CAPN14: variants seen among roughly 807,000 people sequenced by gnomAD.
The protein encoded by CAPN14 is calpain-14.
A neutral mutation model predicts 101.3 loss-of-function variants in CAPN14; 94 were observed. The observed-to-expected ratio is 0.93, with a 90% confidence interval of 0.79 to 1.10. CAPN14 has a LOEUF of 1.10. Among genes scored for constraint, CAPN14 ranks in the 50% least tolerant of loss-of-function variants. CAPN14 has a pLI of 0.00. For missense variants in CAPN14, 837 were observed against 828.4 expected (o/e 1.01, Z -0.13); for synonymous variants, 338 against 317.9 (o/e 1.06, Z -0.67).
chr2:31,203,087 A>G lies in CAPN14; in HGVS notation c.278T>C (p.Leu93Pro), dbSNP rs1262841714. The G allele has an allele frequency of 6.4e-7, 1 of 1,551,552 alleles. No homozygotes were observed. Among genetic ancestry groups the G allele is most frequent in the Admixed American group, 2.0e-5 (1 of 50,984 alleles). The stretch of plus-strand genomic sequence containing the variant: ...AAACTTACCTACTATCCCCTGGCAC[A>G]GATCCAGCCTTTTGGCCTTGGCAAA... ...FYFAKAKRLD[L>P]CQGIVGDCWF... The change falls in exon 3 of 22, where the codon CTG becomes CCG. Residue 93 changes from leucine to proline, a missense_variant. Coordinates refer to ENST00000403897, the MANE Select transcript of CAPN14 (RefSeq NM_001145122.2).
chr2:31,224,422 A>T (rs1487380808), intron 2 of CAPN14, among the ~76,000 whole-genome samples: 1 of 152,186 alleles, frequency 6.6e-6, no homozygotes, highest in Non-Finnish European at 1.5e-5. Context: ...CAAAGAGATC[A>T]TCATGCCCAA....
At chr2:31,209,225 C>T (rs146859154) in intron 1 of CAPN14, among the ~76,000 whole-genome samples, 7,252 of 151,542 alleles carry the variant, frequency 0.048, 169 homozygotes, top group African/African-American at 0.054. Flanking sequence ...AGTCCTTCCA[C>T]CTCAGCCACC....
chr2:31,233,705 G>A (rs368007430), intron 1 of CAPN14: 4 of 152,076 alleles, frequency 2.6e-5, no homozygotes, highest in African/African-American at 9.7e-5. Flanking sequence ...AGTTTGGGTA[G>A]TGACAGTTTT....
intron 1 of CAPN14, among the ~76,000 whole-genome samples, chr2:31,231,525 C>CT (rs1411578274): frequency 6.6e-6 from 1 of 152,006 alleles, no homozygotes; most frequent in African/African-American, 2.4e-5. Context: ...CTTTCATGAC[C>CT]TTTTATTGCT....
chr2:31,201,372 C>G (rs1462009992), intron 5 of CAPN14, among the ~76,000 whole-genome samples: 1 of 152,100 alleles, frequency 6.6e-6, no homozygotes, highest in Non-Finnish European at 1.5e-5. Flanking sequence ...CAATCTGACC[C>G]CTGATGATCA....
intron 14 of CAPN14, among the ~76,000 whole-genome samples, chr2:31,188,105 G>A (rs1302407895): frequency 3.9e-5 from 6 of 152,188 alleles, no homozygotes; most frequent in African/African-American, 1.4e-4. Context: ...CAGTGACAAG[G>A]ACCTGATCAG....
intron 1 of CAPN14, among the ~76,000 whole-genome samples, chr2:31,209,137 CT>C (rs34521833): frequency 0.03 from 3,923 of 131,708 alleles, 55 homozygotes; most frequent in African/African-American, 0.05. Context: ...GCGCAGCTAA[CT>C]TTTTTTTTTT....
chr2:31,213,567 G>A (rs4952065), intron 1 of CAPN14, among the ~76,000 whole-genome samples: 89,889 of 152,084 alleles, frequency 0.59, 27,683 homozygotes, highest in East Asian at 0.94. Context: ...TAGGCACAGG[G>A]GTAAGCTCCA....
intron 1 of CAPN14, among the ~76,000 whole-genome samples, chr2:31,212,187 G>A (rs958187127): frequency 5.9e-5 from 9 of 151,860 alleles, no homozygotes; most frequent in Admixed American, 2.6e-4. Flanking sequence ...GTGGGCGCCC[G>A]TAATCCCAGC....
chr2:31,231,085 GTTGTCCTC>G (rs1248345988), intron 1 of CAPN14, among the ~76,000 whole-genome samples: 5 of 152,088 alleles, frequency 3.3e-5, no homozygotes, highest in African/African-American at 1.2e-4. Context: ...CTATGTTACT[GTTGTCCTC>G]TTCTCTTCTC....
Position 31,205,308 on chromosome 2 carries a change from G to C in CAPN14, c.140C>G (p.Thr47Ser). 6.4e-7 allele frequency: 1 copy of C among 1,550,838 alleles called. No homozygotes were observed. ...CLRNGCLFED[T>S]SFPATLSSIG... ...GGAGCTCAGGGTGGCCGGGAAGCTGGTGTCTTCAAAGAGGCAGCCATTCCT... is the reference window on the plus strand; with the variant it reads ...GGAGCTCAGGGTGGCCGGGAAGCTGCTGTCTTCAAAGAGGCAGCCATTCCT... Residue 47 changes from threonine to serine, a missense_variant, in exon 2 of 22, where the codon ACC (threonine) becomes AGC (serine). Physicochemically the swap from Thr to Ser is moderately conservative, Grantham distance 58. Transcript: ENST00000403897.
At chr2:31,191,494 C>T (rs1286584229) in intron 11 of CAPN14, 87 bp from the exon 12 acceptor site, 10 of 1,339,304 alleles carry the variant, frequency 7.5e-6, no homozygotes, top group East Asian at 5.0e-5. Flanking sequence ...TTTCATAAAC[C>T]GAAACCCGAA....
At position 31,186,458 on chromosome 2, in the gene CAPN14, G is replaced by A; in HGVS notation, c.1615C>T (p.Gln539Ter). 2 of 1,549,970 alleles carry A rather than the reference G, an allele frequency of 1.3e-6. No individual in the cohort carries two copies. Among genetic ancestry groups the A allele is most frequent in the Non-Finnish European group, 1.7e-6 (2 of 1,146,402 alleles). The change falls in exon 16 of 22, where the codon CAG (glutamine) becomes TAG (stop). Residue 539 changes from glutamine (Q) to a stop codon, truncating the protein, a stop_gained. Transcript: ENST00000403897. LOFTEE classifies it high-confidence loss of function. The part of the protein sequence containing the change: ...KHPEINAVQL[Q>*]NLLNQMTWSS... ...CAGGTCATCTGGTTCAGGAGGTTCT[G>A]AAGTTGAACTGCATTAATCTCTGGA...
At chr2:31,198,905 A>G (rs1421158068) in intron 7 of CAPN14, among the ~76,000 whole-genome samples, 2 of 151,920 alleles carry the variant, frequency 1.3e-5, no homozygotes, top group Admixed American at 1.3e-4. Flanking sequence ...CCCCAGCCCA[A>G]CTCGATGGAG....
At chr2:31,220,600 G>A (rs759166988), upstream of CAPN14, among the ~76,000 whole-genome samples, 26 of 152,136 alleles carry the variant, frequency 1.7e-4, no homozygotes, top group Non-Finnish European at 2.2e-4. Context: ...CGAGGCAGGC[G>A]GATCACGAGG....
At chr2:31,198,663 A>C (rs996968902) in intron 7 of CAPN14, among the ~76,000 whole-genome samples, 1 of 152,228 alleles carries the variant, frequency 6.6e-6, no homozygotes, top group East Asian at 1.9e-4. Flanking sequence ...GTTAAGTGTG[A>C]ATTGAGTCCA....
At chr2:31,191,683 A>T (rs1033669936) in intron 11 of CAPN14, among the ~76,000 whole-genome samples, 4 of 152,258 alleles carry the variant, frequency 2.6e-5, no homozygotes, top group Non-Finnish European at 5.9e-5. Flanking sequence ...TGCCAGGCAC[A>T]ATAACAAGCA....
intron 1 of CAPN14, among the ~76,000 whole-genome samples, chr2:31,214,533 T>G (rs190943254): frequency 1.3e-5 from 2 of 152,082 alleles, no homozygotes; most frequent in African/African-American, 4.8e-5. Flanking sequence ...AACATGCACC[T>G]TGGGAGAAGG....
intron 1 of CAPN14, among the ~76,000 whole-genome samples, chr2:31,213,746 C>T (rs868155742): frequency 2.0e-5 from 3 of 152,214 alleles, no homozygotes; most frequent in Non-Finnish European, 2.9e-5. Flanking sequence ...CAGTTTCTCT[C>T]TGCTAAAGTT....
Sources: gnomAD v4.1 joint callset for allele counts (sites outside exome capture counted in the v4.1 genomes callset) on GRCh38, gnomAD v4.1.1 for gene constraint, MANE v1.5 for transcripts, NCBI Gene and HGNC (gene_info 2026-07-23, HGNC 2026-07-21) for gene names.